BMPR1B: variants seen among roughly 807,000 people sequenced by gnomAD.
The protein encoded by BMPR1B is bone morphogenetic protein receptor type-1B.
Under a neutral mutation model 59.1 loss-of-function variants are expected in BMPR1B, and 12 were observed. That is an observed-to-expected ratio of 0.20 (90% CI 0.13 to 0.33). The LOEUF is 0.33. BMPR1B is among the 10% of genes least tolerant of loss of function. The pLI is 1.00. For synonymous variants in BMPR1B, 237 were observed against 207.3 expected (o/e 1.14, Z -1.23); for missense variants, 550 against 610.9 (o/e 0.90, Z 1.05).
intron 1 of BMPR1B, among the ~76,000 whole-genome samples, chr4:94,829,229 CCTTTT>C (rs1160369694): frequency 6.6e-6 from 1 of 152,010 alleles, no homozygotes; most frequent in African/African-American, 2.4e-5. Context: ...GTGCTTTTAT[CCTTTT>C]CTTTAAGCTT....
intron 7 of BMPR1B, 57 bp downstream of exon 7, chr4:95,123,963 A>G (rs1732721841): frequency 8.1e-7 from 1 of 1,234,110 alleles, no homozygotes. Context: ...TCTTTTTACT[A>G]ATATTCTGCT....
chr4:94,785,335 G>A (rs888328030), intron 1 of BMPR1B, among the ~76,000 whole-genome samples: 6 of 152,192 alleles, frequency 3.9e-5, no homozygotes, highest in Non-Finnish European at 8.8e-5. Flanking sequence ...TAGCACATAT[G>A]TACTTAGGAT....
At chr4:94,934,123 T>G (rs1362899419) in intron 2 of BMPR1B, among the ~76,000 whole-genome samples, 1 of 152,156 alleles carries the variant, frequency 6.6e-6, no homozygotes, top group Non-Finnish European at 1.5e-5. Flanking sequence ...TGTGATTTGG[T>G]TCATTTCAGT....
intron 1 of BMPR1B, among the ~76,000 whole-genome samples, chr4:94,799,029 G>A (rs1272264773): frequency 6.6e-6 from 1 of 151,456 alleles, no homozygotes; most frequent in East Asian, 1.9e-4. Flanking sequence ...CCAGGAGTGC[G>A]TTAGTGTGTG....
chr4:95,000,899 G>A (rs1469456923), intron 3 of BMPR1B, among the ~76,000 whole-genome samples: 1 of 152,098 alleles, frequency 6.6e-6, no homozygotes, highest in Non-Finnish European at 1.5e-5. Context: ...TAACAGTGAA[G>A]GGCATATAAT....
At chr4:95,123,727 A>G (rs1732697717) in intron 6 of BMPR1B, 83 bp from the exon 7 acceptor site, 2 of 1,092,372 alleles carry the variant, frequency 1.8e-6, no homozygotes, top group African/African-American at 3.1e-5. Context: ...GATACTTAGC[A>G]AGTACCTTTA....
intron 12 of BMPR1B, 80 bp from the exon 13 acceptor site, chr4:95,154,468 G>C: frequency 1.9e-6 from 3 of 1,585,722 alleles, no homozygotes; most frequent in Non-Finnish European, 2.6e-6. Context: ...CAAACTTAAT[G>C]AACCTAAAAC....
At chr4:95,134,516 C>T (rs1020827496) in intron 10 of BMPR1B, among the ~76,000 whole-genome samples, 2 of 152,172 alleles carry the variant, frequency 1.3e-5, no homozygotes, top group African/African-American at 4.8e-5. Flanking sequence ...TCTCCACATC[C>T]TCTCCAGCAC....
At chr4:94,990,257 A>AG (rs1357968806) in intron 2 of BMPR1B, among the ~76,000 whole-genome samples, 1 of 152,164 alleles carries the variant, frequency 6.6e-6, no homozygotes, top group Non-Finnish European at 1.5e-5. Context: ...TGGGAGGCTG[A>AG]GGCAGGAGAA....
intron 2 of BMPR1B, among the ~76,000 whole-genome samples, chr4:94,896,168 ATCTT>A (rs1408288018): frequency 1.3e-5 from 2 of 151,962 alleles, no homozygotes; most frequent in South Asian, 2.1e-4. Context: ...AATGAATAAT[ATCTT>A]TCTTTAGGAG....
At chr4:95,097,835 C>G (rs1480221620) in intron 3 of BMPR1B, among the ~76,000 whole-genome samples, 1 of 152,150 alleles carries the variant, frequency 6.6e-6, no homozygotes, top group Non-Finnish European at 1.5e-5. Context: ...CGCGCCCAGC[C>G]TGACTTTCTT....
At chr4:95,100,994 C>T (rs1160762819) in intron 3 of BMPR1B, among the ~76,000 whole-genome samples, 1 of 151,886 alleles carries the variant, frequency 6.6e-6, no homozygotes, top group African/African-American at 2.4e-5. Context: ...CCTATTTACC[C>T]TAAATTAGTG....
chr4:95,129,977 T>G lies in BMPR1B; in HGVS notation c.701T>G (p.Phe234Cys), dbSNP rs1733199139. 6.2e-7 allele frequency: 1 copy of G among 1,613,988 alleles called. No homozygotes were observed. Among genetic ancestry groups the G allele is most frequent in the East Asian group, 2.2e-5 (1 of 44,878 alleles). ...GAAAAGGTAGCTGTGAAAGTGTTCT[T>G]CACCACAGAGGAAGCCAGCTGGTTC... ...RGEKVAVKVF[F>C]TTEEASWFRE... The change falls in exon 9 of 13, where the codon TTC (phenylalanine) becomes TGC (cysteine). Residue 234 changes from phenylalanine to cysteine, a missense_variant. Around this residue, in one of 6 missense-constraint regions of BMPR1B, gnomAD observed 318 missense variants for 284.6 expected, o/e 1.12. Coordinates refer to ENST00000515059, the MANE Select transcript of BMPR1B (RefSeq NM_001203.3).
chr4:94,939,135 T>C (rs1253782428), intron 2 of BMPR1B, among the ~76,000 whole-genome samples: 1 of 152,166 alleles, frequency 6.6e-6, no homozygotes, highest in Non-Finnish European at 1.5e-5. Flanking sequence ...TCTGACATCC[T>C]AAATGGGAAT....
chr4:95,116,426 C>CACACACAA (rs1732066207), intron 6 of BMPR1B, among the ~76,000 whole-genome samples: 1 of 141,628 alleles, frequency 7.1e-6, no homozygotes, highest in African/African-American at 2.7e-5. Flanking sequence ...CGCGCGCACA[C>CACACACAA]ACACACACAC....
At chr4:94,988,720 T>G (rs1348210252) in intron 2 of BMPR1B, among the ~76,000 whole-genome samples, 3 of 152,280 alleles carry the variant, frequency 2.0e-5, no homozygotes, top group African/African-American at 7.2e-5. Flanking sequence ...GTTGGTAGAC[T>G]TATGTATGAT....
chr4:94,900,962 G>A (rs1021630488), intron 2 of BMPR1B, among the ~76,000 whole-genome samples: 1 of 151,912 alleles, frequency 6.6e-6, no homozygotes, highest in Non-Finnish European at 1.5e-5. Flanking sequence ...GTGATGCTAA[G>A]CTTTGCACAT....
chr4:94,875,945 C>T (rs1560527602), intron 2 of BMPR1B, 45 bp downstream of exon 2: 1 of 152,574 alleles, frequency 6.6e-6, no homozygotes, highest in African/African-American at 2.4e-5. Context: ...GTTTGGTAGG[C>T]ATCGTTACTG....
chr4:95,039,893 T>G (rs1029061629), intron 3 of BMPR1B, among the ~76,000 whole-genome samples: 3 of 152,214 alleles, frequency 2.0e-5, no homozygotes, highest in African/African-American at 7.2e-5. Flanking sequence ...GTCATGACTC[T>G]GAACCAAAAA....
Sources: allele counts gnomAD v4.1 joint callset (sites outside exome capture counted in the v4.1 genomes callset), GRCh38; gene constraint gnomAD v4.1.1; regional missense constraint gnomAD v4.1.1; transcripts MANE v1.5; gene names NCBI Gene and HGNC (gene_info 2026-07-23, HGNC 2026-07-21).